Variants in FAM193A observed in about 807,000 individuals in gnomAD.
The protein encoded by FAM193A is protein FAM193A.
A neutral mutation model predicts 126.5 loss-of-function variants in FAM193A; 22 were observed. That is an observed-to-expected ratio of 0.17 (90% CI 0.12 to 0.25). The LOEUF (loss-of-function observed/expected upper bound fraction) is 0.25, where lower values mean the gene tolerates loss of function less well. FAM193A is among the 10% of genes least tolerant of loss of function. The pLI, the probability that FAM193A is intolerant of heterozygous loss-of-function variation, is 1.00. For synonymous variants in FAM193A, 761 were observed against 646.8 expected (o/e 1.18, Z -2.68); for missense variants, 1,675 against 1,672.8 (o/e 1.00, Z -0.02).
intron 7 of FAM193A, among the ~76,000 whole-genome samples, chr4:2,656,866 T>C (rs1711748688): frequency 6.6e-6 from 1 of 152,166 alleles, no homozygotes; most frequent in Non-Finnish European, 1.5e-5. Flanking sequence ...TCTCACAGTT[T>C]AAAAACAATC....
intron 4 of FAM193A, among the ~76,000 whole-genome samples, chr4:2,627,595 T>C (rs886669724): frequency 4.6e-5 from 6 of 131,838 alleles, no homozygotes; most frequent in African/African-American, 8.3e-5. Flanking sequence ...TTTTTTTTTT[T>C]CAGATGGAGT....
intron 1 of FAM193A, among the ~76,000 whole-genome samples, chr4:2,563,589 T>C (rs989743498): frequency 6.6e-6 from 1 of 151,642 alleles, no homozygotes; most frequent in African/African-American, 2.4e-5. Flanking sequence ...AAACTCTGGA[T>C]CAGAGATAAT....
At chr4:2,715,300 C>G (rs1719422573) in intron 19 of FAM193A, 1 of 156,412 alleles carries the variant, frequency 6.4e-6, no homozygotes, top group African/African-American at 2.4e-5. Flanking sequence ...CTGTCTCTAC[C>G]AAAAATATAA....
Position 2,558,869 on chromosome 4 carries a change from C to T in FAM193A, c.255+21699C>T, listed in dbSNP as rs553109257. ...TACAAAAGTTAGCTGTTCATGGTGGCATGTACCTGTAATTCCAGCTACTCA... is the reference window on the plus strand; with the variant it reads ...TACAAAAGTTAGCTGTTCATGGTGGTATGTACCTGTAATTCCAGCTACTCA... On this transcript the variant is annotated intron_variant, in intron 1 of 20. Transcript: ENST00000637812. 3.9e-5 allele frequency among the ~76,000 whole-genome samples: 6 copies of T among 152,242 alleles called. No homozygotes were observed. The South Asian group carries it at 1.0e-3, about 26-fold the overall frequency.
At chr4:2,547,471 C>CT (rs1737633181) in intron 1 of FAM193A, among the ~76,000 whole-genome samples, 1 of 151,950 alleles carries the variant, frequency 6.6e-6, no homozygotes, top group African/African-American at 2.4e-5. Context: ...AGGCTGGTGT[C>CT]TATCTCCAGG....
chr4:2,570,591 C>T lies in FAM193A; in HGVS notation c.256-25493C>T, dbSNP rs144109837. 7.9e-5 allele frequency among the ~76,000 whole-genome samples: 12 copies of T among 152,232 alleles called. No individual in the cohort carries two copies. The East Asian group carries it at 2.3e-3, about 29-fold the overall frequency. ...GCAGTAAAGGGCCCTCTAGCCTGCTCTCTTGACTGGAATAATGGGAACTCA... is the reference window on the plus strand; with the variant it reads ...GCAGTAAAGGGCCCTCTAGCCTGCTTTCTTGACTGGAATAATGGGAACTCA... On this transcript the variant is annotated intron_variant, in intron 1 of 20. Transcript: ENST00000637812.
chr4:2,710,434 A>G (rs1196059108), intron 19 of FAM193A, among the ~76,000 whole-genome samples: 1 of 151,774 alleles, frequency 6.6e-6, no homozygotes, highest in Non-Finnish European at 1.5e-5. Flanking sequence ...TGGCCTCCCA[A>G]AGTGCTGGGA....
intron 2 of FAM193A, among the ~76,000 whole-genome samples, chr4:2,614,608 A>G (rs1742075419): frequency 6.6e-6 from 1 of 152,226 alleles, no homozygotes; most frequent in Admixed American, 6.5e-5. Flanking sequence ...ATGTTAGGCT[A>G]ATACTTCATT....
At chr4:2,706,591 C>T (rs370003787) in intron 19 of FAM193A, among the ~76,000 whole-genome samples, 9 of 152,112 alleles carry the variant, frequency 5.9e-5, no homozygotes, top group East Asian at 5.8e-4. Context: ...CCACCGTTCC[C>T]GTCCTGTCCT....
At chr4:2,638,261 C>T (rs986590068) in intron 5 of FAM193A, among the ~76,000 whole-genome samples, 1 of 152,230 alleles carries the variant, frequency 6.6e-6, no homozygotes, top group Non-Finnish European at 1.5e-5. Flanking sequence ...TCCTGGAGAG[C>T]AGCGGACTAT....
intron 2 of FAM193A, among the ~76,000 whole-genome samples, chr4:2,609,688 G>A (rs1320996340): frequency 6.6e-6 from 1 of 152,186 alleles, no homozygotes; most frequent in Non-Finnish European, 1.5e-5. Flanking sequence ...CCGGCACTTT[G>A]GGAGGCCGAG....
intron 1 of FAM193A, among the ~76,000 whole-genome samples, chr4:2,553,590 A>G (rs1738078537): frequency 6.6e-6 from 1 of 151,952 alleles, no homozygotes. Flanking sequence ...CATGTTGGCC[A>G]GGTTGGTCTC....
intron 2 of FAM193A, among the ~76,000 whole-genome samples, chr4:2,600,807 A>G (rs527356211): frequency 1.1e-4 from 17 of 152,260 alleles, no homozygotes; most frequent in African/African-American, 3.9e-4. Context: ...TGGAATGCAA[A>G]TACTCTGGGG....
At chr4:2,620,511 C>T (rs142475267) in intron 2 of FAM193A, among the ~76,000 whole-genome samples, 4 of 152,212 alleles carry the variant, frequency 2.6e-5, no homozygotes, top group African/African-American at 9.6e-5. Flanking sequence ...AGGAGATGGG[C>T]ACCGCGCTCA....
chr4:2,586,902 C>G (rs1025198941), intron 1 of FAM193A, among the ~76,000 whole-genome samples: 1 of 152,144 alleles, frequency 6.6e-6, no homozygotes, highest in Non-Finnish European at 1.5e-5. Context: ...ACCCTTTCAC[C>G]CAAGCCTCCC....
chr4:2,557,748 C>A lies in FAM193A; in HGVS notation c.255+20578C>A, dbSNP rs549387384. Reference sequence around the variant, plus strand: ...TGGACGGATCATGAGGTCAGGAGATCAAGACCATCCTGGCTAACATGGTGA... The same window carrying A: ...TGGACGGATCATGAGGTCAGGAGATAAAGACCATCCTGGCTAACATGGTGA... On this transcript the variant is annotated intron_variant, in intron 1 of 20. Transcript: ENST00000637812. Among the ~76,000 whole-genome samples the A allele has an allele frequency of 9.9e-4, 151 of 151,774 alleles. 2 individuals carry two copies. Among genetic ancestry groups the A allele is most frequent in the Admixed American group, 9.9e-3 (150 of 15,202 alleles).
chr4:2,700,676 A>C, intron 19 of FAM193A, 132 bp downstream of exon 19: 1 of 1,133,996 alleles, frequency 8.8e-7, no homozygotes, highest in Non-Finnish European at 1.2e-6. Context: ...AAGAGCGTAG[A>C]GGGGCCAGGC....
At chr4:2,564,870 A>T (rs1002889568) in intron 1 of FAM193A, among the ~76,000 whole-genome samples, 1 of 152,114 alleles carries the variant, frequency 6.6e-6, no homozygotes, top group Non-Finnish European at 1.5e-5. Context: ...CAGTGGCACC[A>T]TCCGTTGCTC....
intron 2 of FAM193A, among the ~76,000 whole-genome samples, chr4:2,606,027 T>C (rs1741524782): frequency 6.8e-6 from 1 of 146,644 alleles, no homozygotes; most frequent in African/African-American, 2.5e-5. Flanking sequence ...GGCCGTGTTT[T>C]GTATATTTTG....
Sources: gnomAD v4.1 joint callset for allele counts (sites outside exome capture counted in the v4.1 genomes callset) on GRCh38, gnomAD v4.1.1 for gene constraint, MANE v1.5 for transcripts, NCBI Gene and HGNC (gene_info 2026-07-23, HGNC 2026-07-21) for gene names.